The following KIT variants were observed in gnomAD, a reference collection of about 807,000 sequenced individuals.
KIT encodes mast/stem cell growth factor receptor Kit.
In KIT, 16 loss-of-function variants were observed where a neutral mutation model predicts 105.7. The ratio of observed to expected loss-of-function variants is 0.15; its 90% CI spans 0.10 to 0.23. The LOEUF (loss-of-function observed/expected upper bound fraction) is 0.23, where lower values mean the gene tolerates loss of function less well. Among genes scored for constraint, KIT ranks in the 10% least tolerant of loss-of-function variants. The pLI, the probability that KIT is intolerant of heterozygous loss-of-function variation, is 1.00. For synonymous variants in KIT, 438 were observed against 441.1 expected (o/e 0.99, Z 0.09); for missense variants, 858 against 1,213.8 (o/e 0.71, Z 4.36).
rs546340724 is a variant in KIT, at chr4:54,700,077, C to T, written c.756+311C>T. 5.3e-5 allele frequency among the ~76,000 whole-genome samples: 8 copies of T among 152,286 alleles called. No individual in the cohort carries two copies. In the East Asian group the frequency reaches 9.6e-4, roughly 18 times the overall value. The stretch of plus-strand genomic sequence containing the variant: ...TTAGGGACTTAAAAAACATGGTTAA[C>T]TGCATGAATACTTTGATTTAAAGCT... On this transcript the variant is annotated intron_variant, in intron 4 of 20. Transcript: ENST00000288135.
intron 1 of KIT, among the ~76,000 whole-genome samples, chr4:54,664,479 C>A (rs972929166): frequency 6.6e-5 from 10 of 152,160 alleles, no homozygotes; most frequent in African/African-American, 2.4e-4. Context: ...ACATACTCCC[C>A]AGCCTGTTCC....
intron 1 of KIT, among the ~76,000 whole-genome samples, chr4:54,659,251 G>A (rs765011277): frequency 1.3e-5 from 2 of 152,172 alleles, no homozygotes; most frequent in Non-Finnish European, 2.9e-5. Flanking sequence ...CGGGAACTGG[G>A]TCTTAGGTGA....
chr4:54,666,468 C>T (rs771865207), intron 1 of KIT, among the ~76,000 whole-genome samples: 27 of 152,104 alleles, frequency 1.8e-4, no homozygotes, highest in Admixed American at 5.2e-4. Flanking sequence ...TTAGTAGAGA[C>T]GGGGTTTCAC....
At chr4:54,668,530 G>T (rs1191458122) in intron 1 of KIT, among the ~76,000 whole-genome samples, 4 of 152,310 alleles carry the variant, frequency 2.6e-5, no homozygotes, top group Non-Finnish European at 4.4e-5. Flanking sequence ...AAATATAATG[G>T]CCTATGCGGG....
At chr4:54,678,216 A>G (rs1329183071) in intron 1 of KIT, among the ~76,000 whole-genome samples, 2 of 151,846 alleles carry the variant, frequency 1.3e-5, no homozygotes, top group East Asian at 1.9e-4. Context: ...TTGATAACCT[A>G]TGTTGTCTGT....
In KIT at chr4:54,699,779, C is replaced by T. The variant is rs1720337325; in HGVS notation, c.756+13C>T. On this transcript the variant is annotated intron_variant, in intron 4 of 20. Coordinates refer to ENST00000288135, the MANE Select transcript of KIT (RefSeq NM_000222.3). ...AGAAAACAGTCAGGTGAGTGAATCG[C>T]TTCATTCTTCTCATGTTCTGTCTCT... 6.2e-7 allele frequency: 1 copy of T among 1,613,164 alleles called. No homozygotes were observed. Among genetic ancestry groups the T allele is most frequent in the East Asian group, 2.2e-5 (1 of 44,856 alleles).
chr4:54,714,366 G>T (rs1560407776), intron 7 of KIT, among the ~76,000 whole-genome samples: 1 of 150,878 alleles, frequency 6.6e-6, no homozygotes, highest in Non-Finnish European at 1.5e-5. Context: ...ACACAATGAG[G>T]TTTTTTTTTG....
chr4:54,708,131 G>T (rs1221323315), intron 6 of KIT, among the ~76,000 whole-genome samples: 1 of 152,194 alleles, frequency 6.6e-6, no homozygotes, highest in East Asian at 1.9e-4. Flanking sequence ...AGTTGAAGAT[G>T]CCTTTAGGTT....
At chr4:54,720,042 C>T (rs968651938) in intron 7 of KIT, among the ~76,000 whole-genome samples, 1 of 152,070 alleles carries the variant, frequency 6.6e-6, no homozygotes, top group Non-Finnish European at 1.5e-5. Context: ...CTCATAGGCC[C>T]TTTAGGGTTA....
At chr4:54,675,561 A>G (rs1172316823) in intron 1 of KIT, among the ~76,000 whole-genome samples, 4 of 152,206 alleles carry the variant, frequency 2.6e-5, no homozygotes, top group Non-Finnish European at 2.9e-5. Context: ...GTGCTTTTAA[A>G]CCAATGTGAT....
intron 5 of KIT, 27 bp from the exon 6 acceptor site, chr4:54,707,067 GTTTC>G (rs924368057): frequency 4.7e-6 from 6 of 1,281,682 alleles, no homozygotes; most frequent in Non-Finnish European, 6.8e-6. Flanking sequence ...GTAGATAATG[GTTTC>G]TTTCTGTCTT....
chr4:54,721,542 G>A (rs562149169), intron 7 of KIT, among the ~76,000 whole-genome samples: 3 of 152,324 alleles, frequency 2.0e-5, no homozygotes, highest in African/African-American at 4.8e-5. Flanking sequence ...TTGTTTTGGA[G>A]AGTTTCTCTT....
At position 54,738,574 on chromosome 4, in the gene KIT, G is replaced by A. The variant is rs377596175; in HGVS notation, c.*17G>A. The A allele has an allele frequency of 6.4e-5, 103 of 1,613,320 alleles. No individual in the cohort carries two copies. Among genetic ancestry groups the A allele is most frequent in the Admixed American group, 2.5e-4 (15 of 59,992 alleles). ...GATGTCTGAGCAGAATCAGTGTTTG[G>A]GTCACCCCTCCAGGAATGATCTCTT... On this transcript the variant is annotated 3_prime_UTR_variant, in exon 21 of 21. Coordinates refer to ENST00000288135, the MANE Select transcript of KIT (RefSeq NM_000222.3).
chr4:54,728,088 A>G lies in KIT; in HGVS notation c.1957A>G (p.Ile653Val). ...GAGTTACCTTGGTAATCACATGAAT[A>G]TTGTGAATCTACTTGGAGCCTGCAC... ...VLSYLGNHMN[I>V]VNLLGACTIG... The change falls in exon 13 of 21, where the codon ATT (isoleucine) becomes GTT (valine). Residue 653 changes from isoleucine (I) to valine (V), a missense_variant. Ile to Val is a conservative substitution (Grantham distance 29). Coordinates refer to ENST00000288135, the MANE Select transcript of KIT (RefSeq NM_000222.3). 6.2e-7 allele frequency: 1 copy of G among 1,613,480 alleles called. No individual in the cohort carries two copies. The highest frequency in any genetic ancestry group is 8.5e-7 in the Non-Finnish European group (1 of 1,179,492).
rs1170727567 is a variant in KIT at position 54,690,063 on chromosome 4, G to GT, written c.68-5449_68-5448insT. Among the ~76,000 whole-genome samples the GT allele has an allele frequency of 5.0e-3, 697 of 139,192 alleles. 16 individuals are homozygous for GT. The highest frequency in any genetic ancestry group is 0.016 in the African/African-American group (652 of 39,946). The allele number at this position is 139,192 out of a possible 152,430, so 91.3% of individuals were successfully genotyped here. On this transcript the variant is annotated intron_variant, in intron 1 of 20. Coordinates refer to ENST00000288135, the MANE Select transcript of KIT (RefSeq NM_000222.3). ...AGAATGTTACTTTTTTTTTGTGGGG[G>GT]GGGGGGGCTGTGTAATGTTCCATTG...
chr4:54,722,865 GTATATA>G (rs1397092055), intron 7 of KIT, among the ~76,000 whole-genome samples: 2 of 100,464 alleles, frequency 2.0e-5, no homozygotes, highest in African/African-American at 1.4e-4. Context: ...TTATATATAT[GTATATA>G]TATTTATATA....
chr4:54,699,981 CATTT>C (rs1720352957), intron 4 of KIT, among the ~76,000 whole-genome samples: 2 of 152,100 alleles, frequency 1.3e-5, no homozygotes, highest in Non-Finnish European at 1.5e-5. Context: ...TCATTTTATA[CATTT>C]ATTTTGAGAA....
At chr4:54,734,106 C>T (rs759316481) in intron 17 of KIT, among the ~76,000 whole-genome samples, 4 of 152,034 alleles carry the variant, frequency 2.6e-5, no homozygotes, top group Non-Finnish European at 1.5e-5. Context: ...AAAAGGCTGC[C>T]CTGAAGCTAG....
chr4:54,738,667 C>A lies in KIT; in HGVS notation c.*110C>A. 1 of 1,325,954 alleles carries A rather than the reference C, an allele frequency of 7.5e-7. No individual in the cohort carries two copies. Among genetic ancestry groups the A allele is most frequent in the Non-Finnish European group, 1.1e-6 (1 of 931,398 alleles). 82.1% of individuals were successfully genotyped at this position (1,325,954 alleles called of 1,614,324 possible). ...CATCCAACTCCAGGATAGTGGGCAC[C>A]CCACTGCAATCCTGTCTTTCTGAGC... On this transcript the variant is annotated 3_prime_UTR_variant, in exon 21 of 21. Transcript: ENST00000288135.
Sources: gnomAD v4.1 joint callset for allele counts (sites outside exome capture counted in the v4.1 genomes callset) on GRCh38, gnomAD v4.1.1 for gene constraint, MANE v1.5 for transcripts, NCBI Gene and HGNC (gene_info 2026-07-23, HGNC 2026-07-21) for gene names.